Variants in BBX observed in about 807,000 individuals in gnomAD.
BBX encodes the protein BBX high mobility group box domain containing, also known as HMG box transcription factor BBX.
BBX carries 30 observed loss-of-function variants against 100.2 expected under a neutral mutation model. The ratio of observed to expected loss-of-function variants is 0.30; its 90% confidence interval spans 0.22 to 0.41. The LOEUF (loss-of-function observed/expected upper bound fraction) is 0.41, where lower values mean the gene tolerates loss of function less well. Ranked by LOEUF, BBX falls within the 10% of genes least tolerant of loss-of-function variation. BBX has a pLI of 1.00. For synonymous variants in BBX, 376 were observed against 388.1 expected (o/e 0.97, Z 0.37); for missense variants, 1,023 against 1,129.8 (o/e 0.91, Z 1.35).
At position 107,791,288 on chromosome 3, in the gene BBX, A is replaced by G. The variant is rs2068997902; in HGVS notation, c.2342A>G (p.His781Arg). 4 of 1,612,924 alleles carry G rather than the reference A, an allele frequency of 2.5e-6. No homozygotes were observed. The African/African-American group carries it at 4.0e-5, about 16-fold the overall frequency. ...AAGCAACTCTTCTTGGATGCCATTC[A>G]CCCTACAGAAGGTAAGACAAGCAAT... ...SNKQLFLDAI[H>R]PTEAIFSEDR... Residue 781 changes from histidine (H) to arginine (R), a missense_variant, in exon 15 of 18, where the codon CAC (histidine) becomes CGC (arginine). His to Arg is a conservative substitution (Grantham distance 29, BLOSUM62 0). Coordinates refer to ENST00000325805, the MANE Select transcript of BBX (RefSeq NM_001142568.3).
chr3:107,721,673 A>G (rs115559389), intron 5 of BBX, among the ~76,000 whole-genome samples: 1,717 of 152,132 alleles, frequency 0.011, 25 homozygotes, highest in African/African-American at 0.039. Flanking sequence ...AACTTTGTGA[A>G]TATTGCTGTA....
chr3:107,580,411 A>G (rs545439280), intron 2 of BBX, among the ~76,000 whole-genome samples: 3 of 152,198 alleles, frequency 2.0e-5, no homozygotes, highest in Non-Finnish European at 4.4e-5. Context: ...CAGTATTATT[A>G]TACAAGCACA....
chr3:107,699,885 A>C (rs1186005006), intron 3 of BBX, among the ~76,000 whole-genome samples: 1 of 151,982 alleles, frequency 6.6e-6, no homozygotes, highest in African/African-American at 2.4e-5. Context: ...CAGAGGTGAT[A>C]GACATGTTGG....
intron 9 of BBX, among the ~76,000 whole-genome samples, chr3:107,751,450 C>T (rs554047904): frequency 2.6e-5 from 4 of 152,216 alleles, no homozygotes; most frequent in Admixed American, 6.5e-5. Flanking sequence ...GGTCATTTAT[C>T]GTGTAAAATA....
chr3:107,595,900 C>G (rs750043982), intron 2 of BBX, among the ~76,000 whole-genome samples: 21 of 152,150 alleles, frequency 1.4e-4, no homozygotes, highest in Non-Finnish European at 2.8e-4. Flanking sequence ...GGAAGCCTTA[C>G]CAGCAACATA....
chr3:107,666,660 G>A (rs533059557), intron 3 of BBX, among the ~76,000 whole-genome samples: 1 of 152,214 alleles, frequency 6.6e-6, no homozygotes, highest in East Asian at 1.9e-4. Context: ...CTGCCTCCCG[G>A]TCCCGGATTC....
At chr3:107,615,373 C>T (rs996201651) in intron 2 of BBX, among the ~76,000 whole-genome samples, 1 of 152,152 alleles carries the variant, frequency 6.6e-6, no homozygotes, top group Non-Finnish European at 1.5e-5. Flanking sequence ...TTATAAACAA[C>T]AGAAATTAAT....
intron 7 of BBX, among the ~76,000 whole-genome samples, chr3:107,734,195 AG>A: frequency 6.6e-6 from 1 of 151,926 alleles, no homozygotes; most frequent in Non-Finnish European, 1.5e-5. Flanking sequence ...ACATTATAAA[AG>A]GTTTTTATTT....
At chr3:107,668,381 C>G (rs1315793688) in intron 3 of BBX, among the ~76,000 whole-genome samples, 2 of 152,154 alleles carry the variant, frequency 1.3e-5, no homozygotes, top group African/African-American at 4.8e-5. Flanking sequence ...CTTGGCTGCC[C>G]TTTTCATCCA....
At chr3:107,662,690 A>G (rs1433168044) in intron 3 of BBX, 1 of 61,704 alleles carries the variant, frequency 1.6e-5, no homozygotes, top group Non-Finnish European at 3.5e-5. Context: ...TTGCTGTTGT[A>G]TTTTTAGACG....
chr3:107,709,839 G>C (rs2061608435), intron 3 of BBX, among the ~76,000 whole-genome samples: 1 of 152,142 alleles, frequency 6.6e-6, no homozygotes. Flanking sequence ...AAAGATTTTT[G>C]TCACGTTTAT....
At chr3:107,613,479 C>CAACCATGATG (rs1156678046) in intron 2 of BBX, among the ~76,000 whole-genome samples, 1 of 151,594 alleles carries the variant, frequency 6.6e-6, no homozygotes, top group African/African-American at 2.4e-5. Context: ...AATATATACA[C>CAACCATGATG]AACCATGATG....
chr3:107,695,825 G>A (rs2060551665), intron 3 of BBX, among the ~76,000 whole-genome samples: 1 of 151,616 alleles, frequency 6.6e-6, no homozygotes. Flanking sequence ...TAATGTGTGG[G>A]AGTCTAAGTC....
At chr3:107,601,187 A>T (rs1377023623) in intron 2 of BBX, among the ~76,000 whole-genome samples, 3 of 152,064 alleles carry the variant, frequency 2.0e-5, no homozygotes, top group Admixed American at 2.0e-4. Context: ...TGCTCCACCC[A>T]CTGGCCGTTC....
In BBX at chr3:107,810,621, A is replaced by G. The variant is rs994080566; in HGVS notation, c.*5164A>G. Reference sequence around the variant, plus strand: ...GGGCTCATGTCCCCTGACTCCTCACATGAGTGCCTCAGCTCTAAGAGCCGT... The same window carrying G: ...GGGCTCATGTCCCCTGACTCCTCACGTGAGTGCCTCAGCTCTAAGAGCCGT... On this transcript the variant is annotated 3_prime_UTR_variant, in exon 18 of 18. Transcript: ENST00000325805. The G allele has an allele frequency of 1.3e-5, 2 of 152,198 alleles. No homozygotes were observed. The highest frequency in any genetic ancestry group is 1.9e-4 in the East Asian group (1 of 5,182). The allele number at this position is 152,198 out of a possible 1,614,324, so 9.4% of individuals were successfully genotyped here.
At chr3:107,785,393 G>C (rs2068309271) in intron 13 of BBX, among the ~76,000 whole-genome samples, 2 of 151,910 alleles carry the variant, frequency 1.3e-5, no homozygotes, top group Non-Finnish European at 2.9e-5. Flanking sequence ...GAAAACTGCA[G>C]ATCAATATCT....
At chr3:107,555,522 T>C (rs1312396025) in intron 2 of BBX, among the ~76,000 whole-genome samples, 1 of 152,180 alleles carries the variant, frequency 6.6e-6, no homozygotes, top group Non-Finnish European at 1.5e-5. Flanking sequence ...ACAAAAAAGT[T>C]ACTCATCAAA....
chr3:107,530,610 A>AT (rs1402095122), intron 2 of BBX, among the ~76,000 whole-genome samples: 2 of 152,206 alleles, frequency 1.3e-5, no homozygotes, highest in Non-Finnish European at 2.9e-5. Flanking sequence ...ACAAGGTTGC[A>AT]TTTTTTGTAA....
At chr3:107,702,092 C>T (rs1324480297) in intron 3 of BBX, among the ~76,000 whole-genome samples, 2 of 152,158 alleles carry the variant, frequency 1.3e-5, no homozygotes, top group Non-Finnish European at 2.9e-5. Context: ...AGATTGAAAA[C>T]TTTTGTAGTA....
Sources: allele counts gnomAD v4.1 joint callset (sites outside exome capture counted in the v4.1 genomes callset), GRCh38; gene constraint gnomAD v4.1.1; transcripts MANE v1.5; gene names NCBI Gene and HGNC (gene_info 2026-07-23, HGNC 2026-07-21).